The following TSPEAR variants were observed in gnomAD, a reference collection of about 807,000 sequenced individuals.
TSPEAR encodes thrombospondin type laminin G domain and EAR repeats.
Under a neutral mutation model 71.6 loss-of-function variants are expected in TSPEAR, and 69 were observed. The ratio of observed to expected loss-of-function variants is 0.96; its 90% CI spans 0.79 to 1.18. The LOEUF (loss-of-function observed/expected upper bound fraction) is 1.18. TSPEAR is among the 50% of genes most tolerant of loss of function. TSPEAR has a pLI of 0.00. For missense variants in TSPEAR, 971 were observed against 894.9 expected (o/e 1.09, Z -1.09); for synonymous variants, 402 against 387.2 (o/e 1.04, Z -0.45).
rs200243038 is a variant in TSPEAR at position 44,533,873 on chromosome 21, C to G, written c.354G>C (p.Leu118=). ...GGGCAGGTGACAACCGCAGGCCGAG[C>G]AGCAGCAGGTCGCTCTCCTCTGCCA... is the stretch of plus-strand genomic sequence containing the variant. ...TVVAEESDLL[L]LGLRLSPAQL... Residue 118 remains leucine (L), a synonymous_variant, in exon 3 of 12, where the codon CTG becomes CTC. Transcript: ENST00000323084. 2.5e-6 allele frequency: 4 copies of G among 1,612,268 alleles called. No individual in the cohort carries two copies. Among genetic ancestry groups the G allele is most frequent in the Non-Finnish European group, 3.4e-6 (4 of 1,179,850 alleles).
intron 1 of TSPEAR, chr21:44,682,070 G>A: frequency 1.2e-6 from 2 of 1,614,040 alleles, no homozygotes; most frequent in Non-Finnish European, 1.7e-6. Flanking sequence ...CCTGGCAGGG[G>A]CTGGGCGCGC....
intron 1 of TSPEAR, among the ~76,000 whole-genome samples, chr21:44,662,030 A>C (rs1357572937): frequency 6.6e-6 from 1 of 152,216 alleles, no homozygotes; most frequent in Non-Finnish European, 1.5e-5. Flanking sequence ...AGAATACTAA[A>C]CCAAAAAGTG....
intron 1 of TSPEAR, among the ~76,000 whole-genome samples, chr21:44,616,881 G>A (rs1479900816): frequency 2.0e-5 from 3 of 152,180 alleles, no homozygotes; most frequent in Admixed American, 6.5e-5. Flanking sequence ...TTGCTTCTGG[G>A]GCCGAACAAC....
chr21:44,658,344 G>A lies in TSPEAR; in HGVS notation c.82+53089C>T, dbSNP rs1349578857. ...TAAGCATCTGGTGGACCCCCAGATT[G>A]CACACATAGGGCAGATGAAAAGCAT... On this transcript the variant is annotated intron_variant, in intron 1 of 11. Coordinates refer to ENST00000323084, the MANE Select transcript of TSPEAR (RefSeq NM_144991.3). 3.6e-6 allele frequency: 5 copies of A among 1,403,122 alleles called. No individual in the cohort carries two copies. The East Asian group carries it at 7.0e-5, about 20-fold the overall frequency. The allele number at this position is 1,403,122 out of a possible 1,614,324, so 86.9% of individuals were successfully genotyped here. A position where few individuals can be genotyped will look rare whatever the true frequency, so the allele number is the denominator to read the frequency against.
intron 9 of TSPEAR, among the ~76,000 whole-genome samples, chr21:44,513,547 C>T (rs1555912990): frequency 6.6e-6 from 1 of 152,220 alleles, no homozygotes; most frequent in Non-Finnish European, 1.5e-5. Context: ...AGAGCCTGGC[C>T]CTGCTGCCCT....
intron 1 of TSPEAR, chr21:44,637,340 G>C: frequency 2.1e-6 from 3 of 1,460,844 alleles, no homozygotes; most frequent in Non-Finnish European, 2.8e-6. Context: ...CCCAGCAGCT[G>C]ACAGGCTCAC....
At chr21:44,679,361 A>C (rs782061297) in intron 1 of TSPEAR, among the ~76,000 whole-genome samples, 6 of 152,220 alleles carry the variant, frequency 3.9e-5, no homozygotes, top group Non-Finnish European at 7.3e-5. Flanking sequence ...GACCTCTGCA[A>C]AGAAAACTAC....
chr21:44,644,482 T>C (rs1984193444), intron 1 of TSPEAR, among the ~76,000 whole-genome samples: 1 of 152,136 alleles, frequency 6.6e-6, no homozygotes. Context: ...ATCAAAATTA[T>C]CTAACAAAAA....
At chr21:44,633,042 G>GT (rs1395471638) in intron 1 of TSPEAR, among the ~76,000 whole-genome samples, 6 of 150,876 alleles carry the variant, frequency 4.0e-5, no homozygotes, top group African/African-American at 1.5e-4. Context: ...TTCTCTTATA[G>GT]TCTTTTTTAT....
At chr21:44,504,654 C>T (rs1290466036) in intron 11 of TSPEAR, 126 bp downstream of exon 11, 6 of 365,378 alleles carry the variant, frequency 1.6e-5, no homozygotes, top group Non-Finnish European at 2.4e-5. Context: ...AAGCAAGTCT[C>T]TTGGAGGAGG....
At chr21:44,694,406 G>A (rs1360764728) in intron 1 of TSPEAR, among the ~76,000 whole-genome samples, 1 of 152,246 alleles carries the variant, frequency 6.6e-6, no homozygotes, top group Non-Finnish European at 1.5e-5. Context: ...ACCAGTGACA[G>A]TGGGGAGAAG....
chr21:44,523,817 CAGTT>C (rs150037585), intron 8 of TSPEAR, among the ~76,000 whole-genome samples: 3,870 of 148,892 alleles, frequency 0.026, 123 homozygotes, highest in East Asian at 0.077. Context: ...GTCAGTCAGT[CAGTT>C]AGTCAGGTAA....
intron 1 of TSPEAR, among the ~76,000 whole-genome samples, chr21:44,707,914 C>T (rs1395861838): frequency 6.6e-6 from 1 of 151,818 alleles, no homozygotes; most frequent in East Asian, 1.9e-4. Flanking sequence ...CAGCCTCGGT[C>T]CCCCACCCTT....
At chr21:44,647,382 T>C (rs1403410971) in intron 1 of TSPEAR, 1 of 1,604,320 alleles carries the variant, frequency 6.2e-7, no homozygotes, top group Admixed American at 1.7e-5. Flanking sequence ...TCCTGCTGAC[T>C]GTGTCTTTGC....
intron 1 of TSPEAR, among the ~76,000 whole-genome samples, chr21:44,606,561 G>GGTCTGCACTC (rs1211345566): frequency 6.6e-6 from 1 of 152,118 alleles, no homozygotes; most frequent in Non-Finnish European, 1.5e-5. Flanking sequence ...TTTGGGGAGA[G>GGTCTGCACTC]GTCTGCACTC....
chr21:44,536,983 C>T (rs1055372481), intron 2 of TSPEAR, among the ~76,000 whole-genome samples: 14 of 152,088 alleles, frequency 9.2e-5, no homozygotes, highest in African/African-American at 3.1e-4. Context: ...TGAAATACCT[C>T]GAATTTAATC....
At chr21:44,636,250 A>G (rs1264311313) in intron 1 of TSPEAR, among the ~76,000 whole-genome samples, 3 of 152,240 alleles carry the variant, frequency 2.0e-5, no homozygotes, top group Non-Finnish European at 4.4e-5. Flanking sequence ...TCCAGGGGAC[A>G]TACGTTGTAT....
chr21:44,679,350 A>G (rs7281329), intron 1 of TSPEAR, among the ~76,000 whole-genome samples: 69,970 of 152,014 alleles, frequency 0.46, 16,253 homozygotes, highest in South Asian at 0.55. Flanking sequence ...AGGATGTGAA[A>G]GACCTCTGCA....
chr21:44,579,881 C>T (rs1314682031), intron 1 of TSPEAR: 3 of 1,599,186 alleles, frequency 1.9e-6, no homozygotes, highest in African/African-American at 2.7e-5. Context: ...GGGCAGGCAG[C>T]AGGCGGGCCT....
Sources: allele counts gnomAD v4.1 joint callset (sites outside exome capture counted in the v4.1 genomes callset), GRCh38; gene constraint gnomAD v4.1.1; transcripts MANE v1.5; gene names NCBI Gene and HGNC (gene_info 2026-07-23, HGNC 2026-07-21).